The following BABAM2 variants were observed in gnomAD, a reference collection of about 807,000 sequenced individuals.
BABAM2 encodes the protein BRISC and BRCA1 A complex member 2.
A neutral mutation model predicts 54.7 loss-of-function variants in BABAM2; 31 were observed. That is an observed-to-expected ratio of 0.57 (90% CI 0.43 to 0.77). The LOEUF is 0.77. Among genes scored for constraint, BABAM2 ranks in the 30% least tolerant of loss-of-function variants. The pLI is 0.00. For synonymous variants in BABAM2, 167 were observed against 162.9 expected (o/e 1.03, Z -0.19); for missense variants, 364 against 455.8 (o/e 0.80, Z 1.83).
At chr2:28,001,108 G>A (rs1348428940) in intron 4 of BABAM2, among the ~76,000 whole-genome samples, 1 of 152,154 alleles carries the variant, frequency 6.6e-6, no homozygotes, top group Non-Finnish European at 1.5e-5. Flanking sequence ...AGCTCACAGA[G>A]CAAGGAAATG....
chr2:28,092,045 C>A (rs1369195537), intron 6 of BABAM2, among the ~76,000 whole-genome samples: 1 of 151,930 alleles, frequency 6.6e-6, no homozygotes, highest in Non-Finnish European at 1.5e-5. Context: ...AATTACAAAC[C>A]ATTATACCTC....
At chr2:28,243,211 A>G (rs1189356144) in intron 9 of BABAM2, among the ~76,000 whole-genome samples, 1 of 152,168 alleles carries the variant, frequency 6.6e-6, no homozygotes, top group Non-Finnish European at 1.5e-5. Flanking sequence ...TATTGATATC[A>G]GCACTATAAC....
At chr2:27,950,835 T>A (rs928705033) in intron 3 of BABAM2, among the ~76,000 whole-genome samples, 5 of 152,210 alleles carry the variant, frequency 3.3e-5, no homozygotes, top group Non-Finnish European at 7.4e-5. Flanking sequence ...TAGATTTAGA[T>A]CTATTCAGAT....
chr2:28,023,570 C>G (rs753549580), intron 4 of BABAM2, among the ~76,000 whole-genome samples: 3 of 152,140 alleles, frequency 2.0e-5, no homozygotes. Flanking sequence ...TATCAAATCA[C>G]TTTCATATCA....
chr2:28,100,455 C>CT (rs1666984504), intron 6 of BABAM2, among the ~76,000 whole-genome samples: 2 of 93,982 alleles, frequency 2.1e-5, no homozygotes, highest in African/African-American at 4.4e-5. Context: ...GCGAGAGACT[C>CT]TGTCTCCAAA....
At chr2:27,895,155 A>ATT (rs59917570) in intron 2 of BABAM2, 7 of 151,422 alleles carry the variant, frequency 4.6e-5, no homozygotes, top group South Asian at 2.1e-4. Flanking sequence ...TAAAAAACAG[A>ATT]TTTTTTTTTT....
intron 5 of BABAM2, among the ~76,000 whole-genome samples, chr2:28,040,291 A>G (rs1165492232): frequency 2.1e-5 from 2 of 97,242 alleles, no homozygotes; most frequent in African/African-American, 3.7e-5. Context: ...GAAAAACTGA[A>G]TTCTTTTTTT....
chr2:28,105,316 A>G (rs902350058), intron 6 of BABAM2, among the ~76,000 whole-genome samples: 4 of 152,242 alleles, frequency 2.6e-5, no homozygotes, highest in African/African-American at 9.6e-5. Context: ...GATGAAAACT[A>G]GTATGTGAGA....
In BABAM2 at chr2:28,198,138, G is replaced by A. The variant is rs188256395; in HGVS notation, c.681-39064G>A. On this transcript the variant is annotated intron_variant, in intron 7 of 11. Coordinates refer to ENST00000379624, the MANE Select transcript of BABAM2 (RefSeq NM_199191.3). Reference sequence around the variant, plus strand: ...GGGTAGAAGGGAGAAAAAGCTCTCCGCTGAAAATTCACTACCACAGGACAG... The same window carrying A: ...GGGTAGAAGGGAGAAAAAGCTCTCCACTGAAAATTCACTACCACAGGACAG... Among the ~76,000 whole-genome samples the A allele has an allele frequency of 1.2e-3, 183 of 151,988 alleles. 1 individual carries two copies. Among genetic ancestry groups the A allele is most frequent in the Admixed American group, 3.7e-3 (56 of 15,252 alleles).
At chr2:27,972,712 T>TC (rs1305542469) in intron 3 of BABAM2, among the ~76,000 whole-genome samples, 1 of 152,014 alleles carries the variant, frequency 6.6e-6, no homozygotes, top group Non-Finnish European at 1.5e-5. Flanking sequence ...ATTTTGTATA[T>TC]CTTGGCTAAA....
intron 5 of BABAM2, among the ~76,000 whole-genome samples, chr2:28,035,861 A>G (rs947089458): frequency 6.6e-6 from 1 of 152,324 alleles, no homozygotes; most frequent in East Asian, 1.9e-4. Flanking sequence ...CTGATATTCC[A>G]AAGGAACTCT....
chr2:28,044,302 T>C (rs1210891524), intron 5 of BABAM2, among the ~76,000 whole-genome samples: 1 of 152,218 alleles, frequency 6.6e-6, no homozygotes, highest in Non-Finnish European at 1.5e-5. Flanking sequence ...CAATATTGGC[T>C]CACTGCAAAC....
At chr2:28,233,857 G>T (rs1681653992) in intron 7 of BABAM2, among the ~76,000 whole-genome samples, 1 of 152,170 alleles carries the variant, frequency 6.6e-6, no homozygotes, top group Non-Finnish European at 1.5e-5. Flanking sequence ...GAGTACTGAG[G>T]TATGAACAAA....
chr2:28,054,703 C>T (rs1678263400), intron 6 of BABAM2, among the ~76,000 whole-genome samples: 1 of 152,190 alleles, frequency 6.6e-6, no homozygotes, highest in South Asian at 2.1e-4. Context: ...CATGGACATT[C>T]TAGCTTCCAG....
chr2:28,224,996 A>G (rs2148023906), intron 7 of BABAM2, among the ~76,000 whole-genome samples: 1 of 152,116 alleles, frequency 6.6e-6, no homozygotes, highest in East Asian at 1.9e-4. Flanking sequence ...AAAAAAGGAG[A>G]GTGGATAGGG....
chr2:27,930,783 A>G (rs1373661307), intron 3 of BABAM2, among the ~76,000 whole-genome samples: 1 of 152,170 alleles, frequency 6.6e-6, no homozygotes, highest in Non-Finnish European at 1.5e-5. Flanking sequence ...CACTATTACC[A>G]ATACTGAACC....
chr2:27,962,156 C>A (rs1329565401), intron 3 of BABAM2, among the ~76,000 whole-genome samples: 1 of 152,084 alleles, frequency 6.6e-6, no homozygotes, highest in Non-Finnish European at 1.5e-5. Context: ...GTCACCCAGG[C>A]TGGAATGTAC....
chr2:28,214,395 G>T (rs900755227), intron 7 of BABAM2, among the ~76,000 whole-genome samples: 1 of 152,050 alleles, frequency 6.6e-6, no homozygotes, highest in African/African-American at 2.4e-5. Flanking sequence ...TTCATTGCTG[G>T]TATATAGTAA....
At chr2:27,965,636 A>AT (rs941843368) in intron 3 of BABAM2, among the ~76,000 whole-genome samples, 4 of 152,134 alleles carry the variant, frequency 2.6e-5, no homozygotes, top group African/African-American at 9.7e-5. Context: ...TCATTATTCA[A>AT]TTTTTTTGGT....
Sources: allele counts gnomAD v4.1 joint callset (sites outside exome capture counted in the v4.1 genomes callset), GRCh38; gene constraint gnomAD v4.1.1; transcripts MANE v1.5; gene names NCBI Gene and HGNC (gene_info 2026-07-23, HGNC 2026-07-21).